Variants in UNC13C observed in about 807,000 individuals in gnomAD.
UNC13C encodes protein unc-13 homolog C.
In UNC13C, 174 loss-of-function variants were observed where a neutral mutation model predicts 245.4. That is an observed-to-expected ratio of 0.71 (90% confidence interval 0.63 to 0.80). UNC13C has a LOEUF of 0.80. Ranked by LOEUF, UNC13C falls within the 30% of genes least tolerant of loss-of-function variation. The pLI, the probability that UNC13C is intolerant of heterozygous loss-of-function variation, is 0.00. For synonymous variants in UNC13C, 992 were observed against 895.1 expected (o/e 1.11, Z -1.93); for missense variants, 2,829 against 2,602.9 (o/e 1.09, Z -1.89).
At chr15:54,004,785 A>C (rs1222858408) in intron 1 of UNC13C, among the ~76,000 whole-genome samples, 1 of 152,006 alleles carries the variant, frequency 6.6e-6, no homozygotes, top group Non-Finnish European at 1.5e-5. Flanking sequence ...TCATATGCCC[A>C]TTTTCCGTTT....
chr15:54,233,760 A>G (rs2035614165), intron 4 of UNC13C, among the ~76,000 whole-genome samples: 1 of 152,172 alleles, frequency 6.6e-6, no homozygotes, highest in Non-Finnish European at 1.5e-5. Flanking sequence ...ACTGGACTAT[A>G]AAATGCTATT....
rs570924226 is a variant in UNC13C, at chr15:54,628,403, C to G, written c.*1290C>G. The G allele has an allele frequency of 8.1e-6, 1 of 123,888 alleles. No homozygotes were observed. Among genetic ancestry groups the G allele is most frequent in the East Asian group, 2.8e-4 (1 of 3,530 alleles). 7.7% of individuals were successfully genotyped at this position (123,888 alleles called of 1,614,324 possible). On this transcript the variant is annotated 3_prime_UTR_variant, in exon 33 of 33. Coordinates refer to ENST00000260323, the MANE Select transcript of UNC13C (RefSeq NM_001080534.3). ...GATTGTGCTTTGTGAACAAGCTGATCTAATACGTTAAGTACAGAAGTGCTT... is the reference window on the plus strand; with the variant it reads ...GATTGTGCTTTGTGAACAAGCTGATGTAATACGTTAAGTACAGAAGTGCTT...
chr15:54,011,598 T>A (rs1297812009), intron 1 of UNC13C, among the ~76,000 whole-genome samples: 1 of 152,214 alleles, frequency 6.6e-6, no homozygotes, highest in Non-Finnish European at 1.5e-5. Flanking sequence ...TTTCTTGACA[T>A]TTTTATTAGT....
Position 54,014,451 on chromosome 15 carries a change from A to G in UNC13C, c.1548A>G (p.Glu516=), listed in dbSNP as rs746508091. 1.9e-6 allele frequency: 3 copies of G among 1,613,814 alleles called. No homozygotes were observed. Among genetic ancestry groups the G allele is most frequent in the Non-Finnish European group, 2.5e-6 (3 of 1,179,822 alleles). ...ATAAAATCTCCTCACAGTTGCCAGA[A>G]TCAGATATCTTGGAAAAGCAAACCA... ...DYDKISSQLP[E]SDILEKQTTT... The change falls in exon 2 of 33, where the codon GAA becomes GAG. Residue 516 remains glutamate (E), a synonymous_variant. Coordinates refer to ENST00000260323, the MANE Select transcript of UNC13C (RefSeq NM_001080534.3).
Position 54,195,302 on chromosome 15 carries a change from T to G in UNC13C, c.3072-39728T>G, listed in dbSNP as rs1003882410. ...TTACATCATTGGCTGGCAGATAAAA[T>G]GTATGCTGAGAGAACAGTCGTTAAT... On this transcript the variant is annotated intron_variant, in intron 4 of 32. Transcript: ENST00000260323. Among the ~76,000 whole-genome samples, 44 of 152,158 alleles carry G rather than the reference T, an allele frequency of 2.9e-4. 1 individual carries two copies. The highest frequency in any genetic ancestry group is 1.0e-3 in the African/African-American group (43 of 41,456).
chr15:53,984,271 T>C (rs1894038910), intron 1 of UNC13C, among the ~76,000 whole-genome samples: 1 of 152,116 alleles, frequency 6.6e-6, no homozygotes, highest in African/African-American at 2.4e-5. Flanking sequence ...CCTTATCCAA[T>C]CTCTGCCCCA....
Position 54,556,470 on chromosome 15 carries a change from G to C in UNC13C, c.5958+958G>C, listed in dbSNP as rs192991962. ...GAGGCAGTCTTTTGCTGCTGCAGTG[G>C]TAAAAACTGCCACATTAAAGTTGGG... On this transcript the variant is annotated intron_variant, in intron 29 of 32. Coordinates refer to ENST00000260323, the MANE Select transcript of UNC13C (RefSeq NM_001080534.3). Among the ~76,000 whole-genome samples the C allele has an allele frequency of 2.0e-5, 3 of 152,094 alleles. No homozygotes were observed. In the East Asian group the frequency reaches 5.8e-4, roughly 30 times the overall value.
chr15:53,915,914 G>T, the UNC13C span, among the ~76,000 whole-genome samples: 2 of 152,194 alleles, frequency 1.3e-5, no homozygotes, highest in African/African-American at 4.8e-5. Context: ...CTTGTGGGAT[G>T]ATATTCATTG....
At chr15:53,937,909 T>C in the UNC13C span, among the ~76,000 whole-genome samples, 1 of 152,110 alleles carries the variant, frequency 6.6e-6, no homozygotes, top group Non-Finnish European at 1.5e-5. Context: ...GGAAAAACCA[T>C]TACCAGCCAC....
chr15:53,854,190 G>C, the UNC13C span, among the ~76,000 whole-genome samples: 1 of 146,970 alleles, frequency 6.8e-6, no homozygotes, highest in African/African-American at 2.5e-5. Flanking sequence ...GCGCAATCTT[G>C]GCTCACTGCA....
the UNC13C span, among the ~76,000 whole-genome samples, chr15:53,860,599 T>A: frequency 2.0e-5 from 3 of 152,164 alleles, no homozygotes; most frequent in African/African-American, 7.2e-5. Flanking sequence ...ATAGCCCTAT[T>A]TGAAGATAGC....
chr15:54,546,739 A>G lies in UNC13C; in HGVS notation c.5714A>G (p.Lys1905Arg). Residue 1905 changes from lysine (K) to arginine (R), a missense_variant, in exon 27 of 33, where the codon AAA (lysine) becomes AGA (arginine). Coordinates refer to ENST00000260323, the MANE Select transcript of UNC13C (RefSeq NM_001080534.3). Reference protein sequence around the residue: ...FLDKTLSLSAKICEKTVLKRV... With the variant: ...FLDKTLSLSARICEKTVLKRV... The stretch of plus-strand genomic sequence containing the variant: ...TTTTTCAGATTAAGTCTCTCAGCAA[A>G]AATCTGTGAGAAAACAGTCCTAAAG... 1 of 1,511,458 alleles carries G rather than the reference A, an allele frequency of 6.6e-7. No homozygotes were observed. 93.6% of individuals were successfully genotyped at this position (1,511,458 alleles called of 1,614,324 possible).
intron 2 of UNC13C, among the ~76,000 whole-genome samples, chr15:54,106,478 C>T (rs1442189997): frequency 1.3e-5 from 2 of 152,182 alleles, no homozygotes; most frequent in Non-Finnish European, 2.9e-5. Context: ...TGAGAGGTTA[C>T]ACAAAATGAC....
Position 54,284,704 on chromosome 15 carries a change from A to G in UNC13C, c.3819-9191A>G, listed in dbSNP as rs117327923. On this transcript the variant is annotated intron_variant, in intron 10 of 32. Coordinates refer to ENST00000260323, the MANE Select transcript of UNC13C (RefSeq NM_001080534.3). Reference sequence around the variant, plus strand: ...CTGTTCGCTGATATCTCTCTTCTTAAGTGGTCTCTCTTTTCGTAGCAAAAT... The same window carrying G: ...CTGTTCGCTGATATCTCTCTTCTTAGGTGGTCTCTCTTTTCGTAGCAAAAT... Among the ~76,000 whole-genome samples, 357 of 152,182 alleles carry G rather than the reference A, an allele frequency of 2.3e-3. 1 individual carries two copies. The highest frequency in any genetic ancestry group is 3.6e-3 in the Non-Finnish European group (247 of 67,996).
chr15:53,845,835 C>A, the UNC13C span, among the ~76,000 whole-genome samples: 1 of 152,084 alleles, frequency 6.6e-6, no homozygotes, highest in African/African-American at 2.4e-5. Flanking sequence ...TTGACACTTG[C>A]AGGCAGCATC....
At chr15:53,859,688 C>T in the UNC13C span, among the ~76,000 whole-genome samples, 10 of 152,224 alleles carry the variant, frequency 6.6e-5, no homozygotes, top group African/African-American at 1.9e-4. Context: ...CTTCCAACCC[C>T]GTATTCAGAA....
chr15:54,425,335 GAGA>G (rs908603601), intron 19 of UNC13C, among the ~76,000 whole-genome samples: 25 of 151,874 alleles, frequency 1.6e-4, no homozygotes, highest in African/African-American at 6.0e-4. Flanking sequence ...GGGGCTACAA[GAGA>G]AGATTTCTAC....
chr15:54,272,293 G>A (rs954105060), intron 10 of UNC13C, among the ~76,000 whole-genome samples: 64 of 152,284 alleles, frequency 4.2e-4, no homozygotes, highest in African/African-American at 1.5e-3. Context: ...GCCATGTGCT[G>A]CTCAGCCGGG....
intron 10 of UNC13C, among the ~76,000 whole-genome samples, chr15:54,275,263 C>G (rs1244202439): frequency 6.6e-6 from 1 of 152,108 alleles, no homozygotes; most frequent in Non-Finnish European, 1.5e-5. Flanking sequence ...CCAACAAGAA[C>G]AGAATTATCT....
Sources: gnomAD v4.1 joint callset for allele counts (sites outside exome capture counted in the v4.1 genomes callset) on GRCh38, gnomAD v4.1.1 for gene constraint, MANE v1.5 for transcripts, NCBI Gene and HGNC (gene_info 2026-07-23, HGNC 2026-07-21) for gene names.